The following B3GAT2 variants were observed in gnomAD, a reference collection of about 807,000 sequenced individuals.
B3GAT2 encodes the protein beta-1,3-glucuronyltransferase 2.
In B3GAT2, 26 loss-of-function variants were observed where a neutral mutation model predicts 27.8. The ratio of observed to expected loss-of-function variants is 0.93; its 90% CI spans 0.68 to 1.30. The LOEUF is 1.30. Ranked by LOEUF, B3GAT2 falls within the 50% of genes most tolerant of loss-of-function variation. B3GAT2 has a pLI of 0.00. For synonymous variants in B3GAT2, 218 were observed against 195.1 expected, an observed-to-expected ratio of 1.12 and a Z score of -0.98; for missense variants, 458 against 459.0, an observed-to-expected ratio of 1.00 and a Z score of 0.02.
At chr6:70,940,276 G>T (rs906758500) in intron 1 of B3GAT2, among the ~76,000 whole-genome samples, 3 of 152,130 alleles carry the variant, frequency 2.0e-5, no homozygotes, top group African/African-American at 7.2e-5. Context: ...TGCAAAAAGA[G>T]AAGCAAGCTT....
rs766615751 is a variant in B3GAT2 at position 70,894,150 on chromosome 6, C to T, written c.714G>A (p.Arg238=). ...CACCTGCCATGTCGATGGCAAAAGG[C>T]CTGTCTGCTCTCCAGCCGGTGTACC... ...VGWYTGWRAD[R]PFAIDMAGFA... is the part of the protein sequence containing the mutation. The change falls in exon 2 of 4, where the codon AGG becomes AGA. Residue 238 remains arginine, a synonymous_variant. Coordinates refer to ENST00000230053, the MANE Select transcript of B3GAT2 (RefSeq NM_080742.3). 2.5e-6 allele frequency: 4 copies of T among 1,612,730 alleles called. No individual in the cohort carries two copies. In the Admixed American group the frequency reaches 5.0e-5, roughly 20 times the overall value.
At chr6:70,933,263 T>A (rs1287997715) in intron 1 of B3GAT2, among the ~76,000 whole-genome samples, 1 of 152,134 alleles carries the variant, frequency 6.6e-6, no homozygotes, top group South Asian at 2.1e-4. Flanking sequence ...TTTTTGTTTT[T>A]TAAATCCTAA....
intron 1 of B3GAT2, among the ~76,000 whole-genome samples, chr6:70,904,778 TG>T (rs1303470564): frequency 6.6e-6 from 1 of 152,152 alleles, no homozygotes; most frequent in African/African-American, 2.4e-5. Flanking sequence ...TAGCTATTCT[TG>T]GGTAAAAGTT....
chr6:70,877,204 C>G (rs995588692), intron 2 of B3GAT2, among the ~76,000 whole-genome samples: 1 of 152,290 alleles, frequency 6.6e-6, no homozygotes, highest in East Asian at 1.9e-4. Context: ...TAAGAGCAGA[C>G]AGATGGGCCC....
At chr6:70,952,208 G>C (rs1257802684) in intron 1 of B3GAT2, among the ~76,000 whole-genome samples, 1 of 152,124 alleles carries the variant, frequency 6.6e-6, no homozygotes, top group Admixed American at 6.5e-5. Context: ...TTAGTTCATT[G>C]CTTTCCAGAA....
chr6:70,909,251 T>C (rs1772649597), intron 1 of B3GAT2, among the ~76,000 whole-genome samples: 1 of 152,058 alleles, frequency 6.6e-6, no homozygotes, highest in South Asian at 2.1e-4. Context: ...CCTCCTTAAT[T>C]GGGAAAAGAG....
intron 2 of B3GAT2, among the ~76,000 whole-genome samples, chr6:70,888,406 C>A: frequency 6.6e-6 from 1 of 152,032 alleles, no homozygotes; most frequent in South Asian, 2.1e-4. Context: ...CATTTATCAC[C>A]ATACCATACA....
chr6:70,867,017 C>A (rs1582338643), intron 2 of B3GAT2, among the ~76,000 whole-genome samples: 1 of 152,126 alleles, frequency 6.6e-6, no homozygotes, highest in East Asian at 1.9e-4. Context: ...TACAAAGATA[C>A]CTGGAAAATA....
chr6:70,920,695 T>C (rs537768641), intron 1 of B3GAT2, among the ~76,000 whole-genome samples: 3 of 152,360 alleles, frequency 2.0e-5, no homozygotes, highest in East Asian at 1.9e-4. Flanking sequence ...CTGGATATTA[T>C]GCAGACTTGA....
In B3GAT2 at chr6:70,857,993, ATGGGCG is replaced by A; in HGVS notation, c.*3664_*3669del. 6.2e-7 allele frequency: 1 copy of A among 1,614,120 alleles called. No individual in the cohort carries two copies. Among genetic ancestry groups the A allele is most frequent in the South Asian group, 1.1e-5 (1 of 91,086 alleles). On this transcript the variant is annotated 3_prime_UTR_variant, in exon 4 of 4. Coordinates refer to ENST00000230053, the MANE Select transcript of B3GAT2 (RefSeq NM_080742.3). ...AGCTGCATTTCAGGGCTTTCCATCG[ATGGGCG>A]TGCCTGTGCCTGCAGCTCCTGGCCT...
At position 70,901,469 on chromosome 6, in the gene B3GAT2, C is replaced by T. The variant is rs184605393; in HGVS notation, c.592-7197G>A. Reference sequence around the variant, plus strand: ...GAAGCATTCAAATAAGACAAAAAACCGAACAAACCCACATTGGTGTGTGTG... The same window carrying T: ...GAAGCATTCAAATAAGACAAAAAACTGAACAAACCCACATTGGTGTGTGTG... On this transcript the variant is annotated intron_variant, in intron 1 of 3. Coordinates refer to ENST00000230053, the MANE Select transcript of B3GAT2 (RefSeq NM_080742.3). Among the ~76,000 whole-genome samples, 80 of 152,264 alleles carry T rather than the reference C, an allele frequency of 5.3e-4. 1 individual carries two copies. In the South Asian group the frequency reaches 0.012, roughly 24 times the overall value.
chr6:70,940,342 C>T (rs144837911), intron 1 of B3GAT2, among the ~76,000 whole-genome samples: 25 of 152,268 alleles, frequency 1.6e-4, no homozygotes, highest in African/African-American at 1.2e-4. Context: ...GGCTCAGTGT[C>T]CCCAGGCAAG....
intron 1 of B3GAT2, among the ~76,000 whole-genome samples, chr6:70,911,661 G>GT (rs939731193): frequency 2.9e-4 from 44 of 152,226 alleles, no homozygotes; most frequent in African/African-American, 1.0e-3. Context: ...TTTTAGAATA[G>GT]TTTTTTCTAA....
At position 70,940,372 on chromosome 6, in the gene B3GAT2, C is replaced by T. The variant is rs1361753048; in HGVS notation, c.591+15467G>A. ...GGCAAGGCTGGGAGAAGGGTGGACA[C>T]AGAGAAGGCTGGCATCTGGGATCCT... On this transcript the variant is annotated intron_variant, in intron 1 of 3. Coordinates refer to ENST00000230053, the MANE Select transcript of B3GAT2 (RefSeq NM_080742.3). 2.0e-5 allele frequency among the ~76,000 whole-genome samples: 3 copies of T among 152,136 alleles called. No individual in the cohort carries two copies. The South Asian group carries it at 6.2e-4, about 32-fold the overall frequency.
At chr6:70,923,233 CAT>C (rs1464216822) in intron 1 of B3GAT2, among the ~76,000 whole-genome samples, 2 of 152,150 alleles carry the variant, frequency 1.3e-5, no homozygotes, top group Non-Finnish European at 2.9e-5. Flanking sequence ...CAAAAAGACA[CAT>C]ATCTTTCTAT....
intron 1 of B3GAT2, among the ~76,000 whole-genome samples, chr6:70,933,980 G>A (rs532848404): frequency 1.3e-5 from 2 of 152,300 alleles, no homozygotes; most frequent in Admixed American, 6.5e-5. Context: ...TTCCTCATTT[G>A]TAAAGCAGAT....
intron 1 of B3GAT2, among the ~76,000 whole-genome samples, chr6:70,950,457 C>T (rs962753193): frequency 1.3e-5 from 2 of 151,986 alleles, no homozygotes; most frequent in African/African-American, 4.8e-5. Context: ...TAATCAGGTG[C>T]TTTACTTATT....
rs146937099 is a variant in B3GAT2 at position 70,860,316 on chromosome 6, C to T, written c.*1347G>A. 1.2e-6 allele frequency: 2 copies of T among 1,610,332 alleles called. No individual in the cohort carries two copies. The highest frequency in any genetic ancestry group is 1.3e-5 in the African/African-American group (1 of 74,868). ...GAAGCTCATCAGGTCAGACTCTCAG[C>T]ACACAACTGTGGAAATGAAAACTGC... is the stretch of plus-strand genomic sequence containing the variant. On this transcript the variant is annotated 3_prime_UTR_variant, in exon 4 of 4. Transcript: ENST00000230053.
chr6:70,956,069 C>G lies in B3GAT2; in HGVS notation c.361G>C (p.Ala121Pro). The G allele has an allele frequency of 6.3e-7, 1 of 1,590,280 alleles. No homozygotes were observed. Among genetic ancestry groups the G allele is most frequent in the Non-Finnish European group, 8.5e-7 (1 of 1,172,532 alleles). The part of the protein sequence containing the change: ...LHWILVEDAA[A>P]RSELVSRFLA... Reference sequence around the variant, plus strand: ...AAGCGGCTCACCAGCTCGCTGCGCGCCGCCGCGTCCTCCACCAGGATCCAG... The same window carrying G: ...AAGCGGCTCACCAGCTCGCTGCGCGGCGCCGCGTCCTCCACCAGGATCCAG... Residue 121 changes from alanine (A) to proline (P), a missense_variant, in exon 1 of 4, where the codon GCG becomes CCG. Physicochemically the swap from Ala to Pro is conservative, Grantham distance 27. Transcript: ENST00000230053.
Sources: allele counts gnomAD v4.1 joint callset (sites outside exome capture counted in the v4.1 genomes callset), GRCh38; gene constraint gnomAD v4.1.1; transcripts MANE v1.5; gene names NCBI Gene and HGNC (gene_info 2026-07-23, HGNC 2026-07-21).